Variants in FBXL17 observed in about 807,000 individuals in gnomAD.
FBXL17 encodes the protein F-box/LRR-repeat protein 17.
In FBXL17, 22 loss-of-function variants were observed where a neutral mutation model predicts 66.2. That is an observed-to-expected ratio of 0.33 (90% confidence interval 0.24 to 0.47). The LOEUF is 0.47. Ranked by LOEUF, FBXL17 falls within the 20% of genes least tolerant of loss-of-function variation. FBXL17 has a pLI of 1.00. For synonymous variants in FBXL17, 474 were observed against 400.5 expected, an observed-to-expected ratio of 1.18 and a Z score of -2.19; for missense variants, 878 against 948.2, an observed-to-expected ratio of 0.93 and a Z score of 0.97.
At position 108,232,780 on chromosome 5, in the gene FBXL17, C is replaced by CATATATAT. The variant is rs758322541; in HGVS notation, c.1507-8553_1507-8552insATATATAT. On this transcript the variant is annotated intron_variant, in intron 4 of 8. Coordinates refer to ENST00000542267, the MANE Select transcript of FBXL17 (RefSeq NM_001163315.3). ...TGTAAGTTAATACTGAATAAGCTCTCACATATATATATATATATATATATA... is the reference window on the plus strand; with the variant it reads ...TGTAAGTTAATACTGAATAAGCTCTCATATATATACATATATATATATATATATATATA... Among the ~76,000 whole-genome samples, 6 of 32,682 alleles carry CATATATAT rather than the reference C, an allele frequency of 1.8e-4. 1 individual carries two copies. Among genetic ancestry groups the CATATATAT allele is most frequent in the Admixed American group, 1.3e-3 (5 of 3,894 alleles). 21.4% of individuals were successfully genotyped at this position (32,682 alleles called of 152,430 possible). A position where few individuals can be genotyped will look rare whatever the true frequency, so the allele number is the denominator to read the frequency against.
intron 6 of FBXL17, among the ~76,000 whole-genome samples, chr5:108,121,676 C>A (rs548760136): frequency 1.3e-5 from 2 of 152,128 alleles, no homozygotes; most frequent in East Asian, 3.9e-4. Context: ...CCTGCCTCAG[C>A]CTCCTGAGTA....
rs1180543540 is a variant in FBXL17, at chr5:108,028,715, A to T, written c.1746-7714T>A. 2.6e-5 allele frequency among the ~76,000 whole-genome samples: 4 copies of T among 152,256 alleles called. No homozygotes were observed. The East Asian group carries it at 7.7e-4, about 29-fold the overall frequency. On this transcript the variant is annotated intron_variant, in intron 6 of 8. Coordinates refer to ENST00000542267, the MANE Select transcript of FBXL17 (RefSeq NM_001163315.3). ...GAGGCAACTCAGACAAGATGCTGACAAAAGGTTTCCTTCTCATTTGGGAAG... is the reference window on the plus strand; with the variant it reads ...GAGGCAACTCAGACAAGATGCTGACTAAAGGTTTCCTTCTCATTTGGGAAG...
intron 6 of FBXL17, among the ~76,000 whole-genome samples, chr5:108,102,533 A>G (rs1749640911): frequency 6.6e-6 from 1 of 152,082 alleles, no homozygotes; most frequent in Admixed American, 6.6e-5. Context: ...TAATGCCTAC[A>G]TTATTGCATT....
intron 6 of FBXL17, among the ~76,000 whole-genome samples, chr5:108,034,997 C>G (rs1746785659): frequency 6.6e-6 from 1 of 152,112 alleles, no homozygotes; most frequent in Non-Finnish European, 1.5e-5. Flanking sequence ...ACCCTTCCCC[C>G]AATAAACATT....
chr5:108,032,574 G>A (rs1746683227), intron 6 of FBXL17, among the ~76,000 whole-genome samples: 1 of 152,078 alleles, frequency 6.6e-6, no homozygotes, highest in Non-Finnish European at 1.5e-5. Context: ...GAGAAGAGAA[G>A]GCAATATTAC....
intron 6 of FBXL17, among the ~76,000 whole-genome samples, chr5:108,181,783 TA>T (rs1285987760): frequency 6.6e-6 from 1 of 152,102 alleles, no homozygotes. Flanking sequence ...ATAATGAGCT[TA>T]GTTAAAAAAT....
intron 6 of FBXL17, among the ~76,000 whole-genome samples, chr5:108,022,211 A>G (rs1190094007): frequency 6.6e-6 from 1 of 151,944 alleles, no homozygotes; most frequent in African/African-American, 2.4e-5. Flanking sequence ...TTCAAAAAAG[A>G]TCTATAAAAA....
intron 7 of FBXL17, among the ~76,000 whole-genome samples, chr5:107,900,692 G>T (rs774906574): frequency 1.3e-5 from 2 of 152,050 alleles, no homozygotes; most frequent in Non-Finnish European, 2.9e-5. Flanking sequence ...AACAAGTAAT[G>T]AAAGATTTCA....
intron 7 of FBXL17, among the ~76,000 whole-genome samples, chr5:107,936,706 C>T (rs1750919005): frequency 6.6e-6 from 1 of 152,030 alleles, no homozygotes; most frequent in Non-Finnish European, 1.5e-5. Context: ...AAAACATTTC[C>T]AAGGGACAAG....
intron 6 of FBXL17, among the ~76,000 whole-genome samples, chr5:108,043,679 T>A (rs1038550522): frequency 6.6e-6 from 1 of 152,170 alleles, no homozygotes; most frequent in African/African-American, 2.4e-5. Context: ...AACTTCACTG[T>A]TTTTTAAAAT....
chr5:108,354,953 A>T (rs1747881777), intron 3 of FBXL17, among the ~76,000 whole-genome samples: 1 of 152,068 alleles, frequency 6.6e-6, no homozygotes, highest in South Asian at 2.1e-4. Flanking sequence ...AGGAGAAATA[A>T]AGACTTTGTC....
At chr5:108,324,121 T>C (rs1274831855) in intron 4 of FBXL17, among the ~76,000 whole-genome samples, 5 of 151,918 alleles carry the variant, frequency 3.3e-5, no homozygotes, top group African/African-American at 9.7e-5. Context: ...CTGTGCAGTA[T>C]AGGACACAAC....
intron 8 of FBXL17, among the ~76,000 whole-genome samples, chr5:107,870,420 G>T (rs1483969482): frequency 1.3e-5 from 2 of 152,192 alleles, no homozygotes; most frequent in African/African-American, 4.8e-5. Flanking sequence ...TCAGCATCAA[G>T]TCTTAGATCT....
intron 1 of FBXL17, among the ~76,000 whole-genome samples, chr5:108,369,906 T>A (rs1330694715): frequency 6.6e-6 from 1 of 152,162 alleles, no homozygotes; most frequent in African/African-American, 2.4e-5. Context: ...TAAGAAAGAT[T>A]AATAAAAACA....
intron 6 of FBXL17, among the ~76,000 whole-genome samples, chr5:108,047,602 G>T (rs1747305858): frequency 6.6e-6 from 1 of 152,190 alleles, no homozygotes; most frequent in Non-Finnish European, 1.5e-5. Flanking sequence ...CTTTTCCCTT[G>T]CTGGAGCCAG....
chr5:108,338,191 T>G (rs1013758324), intron 4 of FBXL17, among the ~76,000 whole-genome samples: 6 of 47,962 alleles, frequency 1.3e-4, no homozygotes, highest in African/African-American at 6.3e-4. Context: ...GGAGTTACAA[T>G]GAAAAGCTAG....
At chr5:108,062,627 AAC>A (rs1747967116) in intron 6 of FBXL17, among the ~76,000 whole-genome samples, 1 of 152,168 alleles carries the variant, frequency 6.6e-6, no homozygotes, top group Non-Finnish European at 1.5e-5. Context: ...AATAAAACTT[AAC>A]AGTTTTTAAA....
At chr5:108,149,765 T>C (rs1028099244) in intron 6 of FBXL17, among the ~76,000 whole-genome samples, 2 of 152,232 alleles carry the variant, frequency 1.3e-5, no homozygotes, top group East Asian at 1.9e-4. Flanking sequence ...AGATAGTCCA[T>C]GTTCTCTCTC....
At chr5:108,125,494 TTTAAG>T (rs1405962519) in intron 6 of FBXL17, among the ~76,000 whole-genome samples, 1 of 152,070 alleles carries the variant, frequency 6.6e-6, no homozygotes, top group African/African-American at 2.4e-5. Flanking sequence ...TCAGCTAGAA[TTTAAG>T]TTATCCTGAA....
Sources: allele counts gnomAD v4.1 joint callset (sites outside exome capture counted in the v4.1 genomes callset), GRCh38; gene constraint gnomAD v4.1.1; transcripts MANE v1.5; gene names NCBI Gene and HGNC (gene_info 2026-07-23, HGNC 2026-07-21).